Variants in LCT observed in about 807,000 individuals in gnomAD.
The protein encoded by LCT is lactase/phlorizin hydrolase.
A neutral mutation model predicts 173.0 loss-of-function variants in LCT; 90 were observed. The ratio of observed to expected loss-of-function variants is 0.52; its 90% confidence interval spans 0.44 to 0.62. The LOEUF (loss-of-function observed/expected upper bound fraction) is 0.62. LCT is among the 20% of genes least tolerant of loss of function. The probability of loss-of-function intolerance (pLI) is 0.00; values close to 1 mark genes in which losing one functional copy is unlikely to be tolerated. For missense variants in LCT, 1,864 were observed against 2,431.4 expected (o/e 0.77, Z 4.91); for synonymous variants, 853 against 957.6 (o/e 0.89, Z 2.02).
chr2:135,794,562 C>A, intron 14 of LCT, 79 bp downstream of exon 14: 1 of 1,481,804 alleles, frequency 6.7e-7, no homozygotes, highest in Middle Eastern at 2.4e-4. Context: ...TGAGGCTGGG[C>A]AGGCCTCAGA....
chr2:135,817,798 A>G lies in LCT; in HGVS notation c.1250T>C (p.Leu417Pro), dbSNP rs761185112. 3 of 1,613,998 alleles carry G rather than the reference A, an allele frequency of 1.9e-6. No individual in the cohort carries two copies. Among genetic ancestry groups the G allele is most frequent in the Non-Finnish European group, 2.5e-6 (3 of 1,180,010 alleles). ...CGTCGCTTGGCCCTCAGTGGTGTTC[A>G]GGGGCCTGCGTGGATCCCAGATGCT... Reference protein sequence around the residue: ...GVSIWDPRRPLNTTEGQATLE... With the variant: ...GVSIWDPRRPPNTTEGQATLE... Residue 417 changes from leucine (L) to proline (P), a missense_variant, in exon 6 of 17, where the codon CTG (leucine) becomes CCG (proline). Coordinates refer to ENST00000264162, the MANE Select transcript of LCT (RefSeq NM_002299.4).
chr2:135,798,702 G>T (rs191197460), intron 12 of LCT, among the ~76,000 whole-genome samples: 1 of 152,132 alleles, frequency 6.6e-6, no homozygotes, highest in African/African-American at 2.4e-5. Context: ...TATCATGTGC[G>T]GGGATACGTG....
In LCT at chr2:135,836,019, T is replaced by C. The variant is rs1296803534; in HGVS notation, c.640+511A>G. Among the ~76,000 whole-genome samples, 289 of 110,460 alleles carry C rather than the reference T, an allele frequency of 2.6e-3. 6 individuals are homozygous for C. The highest frequency in any genetic ancestry group is 8.2e-3 in the African/African-American group (254 of 31,120). 72.5% of individuals were successfully genotyped at this position (110,460 alleles called of 152,430 possible). ...ATATATATATATATATATATATGTATACATATTTTTTTTTTTTGAGATTGT... is the reference window on the plus strand; with the variant it reads ...ATATATATATATATATATATATGTACACATATTTTTTTTTTTTGAGATTGT... On this transcript the variant is annotated intron_variant, in intron 1 of 16. Coordinates refer to ENST00000264162, the MANE Select transcript of LCT (RefSeq NM_002299.4).
In LCT at chr2:135,836,869, T is replaced by C. The variant is rs35837297; in HGVS notation, c.301A>G (p.Ser101Gly). ...LSWAQLLPAG[S>G]TQNPDEKTVQ... is the part of the protein sequence containing the mutation. ...GTTTTCTCGTCTGGATTCTGGGTGCTTCCTGCTGGGAGGAGCTGTGCCCAT... is the reference window on the plus strand; with the variant it reads ...GTTTTCTCGTCTGGATTCTGGGTGCCTCCTGCTGGGAGGAGCTGTGCCCAT... The change falls in exon 1 of 17, where the codon AGC (serine) becomes GGC (glycine). Residue 101 changes from serine (S) to glycine (G), a missense_variant. Physicochemically the swap from Ser to Gly is moderately conservative, Grantham distance 56. This residue lies in a region of LCT where 412 missense variants were observed against 462.0 expected (regional missense o/e 0.89). Transcript: ENST00000264162. The C allele has an allele frequency of 1.4e-3, 2,237 of 1,614,166 alleles. 27 individuals carry two copies. The African/African-American group carries it at 0.026, about 19-fold the overall frequency.
Position 135,797,298 on chromosome 2 carries a change from G to T in LCT, c.4976+731C>A, listed in dbSNP as rs117442448. On this transcript the variant is annotated intron_variant, in intron 13 of 16. Coordinates refer to ENST00000264162, the MANE Select transcript of LCT (RefSeq NM_002299.4). Reference sequence around the variant, plus strand: ...CTGGACTATATGGGGGCGTCTAGGGGCAGGACTCAAAGACTATGTTGGGAA... The same window carrying T: ...CTGGACTATATGGGGGCGTCTAGGGTCAGGACTCAAAGACTATGTTGGGAA... 2.4e-4 allele frequency among the ~76,000 whole-genome samples: 37 copies of T among 152,266 alleles called. No individual in the cohort carries two copies. In the East Asian group the frequency reaches 6.8e-3, roughly 28 times the overall value.
intron 3 of LCT, among the ~76,000 whole-genome samples, chr2:135,825,067 C>T (rs532354132): frequency 6.6e-6 from 1 of 151,952 alleles, no homozygotes; most frequent in Non-Finnish European, 1.5e-5. Flanking sequence ...GTAATTTCCT[C>T]TTCTTATTTC....
chr2:135,812,702 T>C lies in LCT; in HGVS notation c.1962A>G (p.Arg654=), dbSNP rs2105537984. Residue 654 remains arginine, a synonymous_variant, in exon 7 of 17, where the codon AGA becomes AGG. Coordinates refer to ENST00000264162, the MANE Select transcript of LCT (RefSeq NM_002299.4). ...TLRTQIQQMN[R]QCSHPVAQLP... is the part of the protein sequence containing the mutation. Reference sequence around the variant, plus strand: ...GTTGAGCCACAGGATGGGAGCACTGTCTGTTCATCTGTTGGATCTGGGTCC... The same window carrying C: ...GTTGAGCCACAGGATGGGAGCACTGCCTGTTCATCTGTTGGATCTGGGTCC... The C allele has an allele frequency of 6.2e-7, 1 of 1,614,190 alleles. No individual in the cohort carries two copies. The highest frequency in any genetic ancestry group is 8.5e-7 in the Non-Finnish European group (1 of 1,180,036).
chr2:135,810,981 C>G (rs1277801262), intron 7 of LCT, among the ~76,000 whole-genome samples: 1 of 151,126 alleles, frequency 6.6e-6, no homozygotes, highest in Non-Finnish European at 1.5e-5. Flanking sequence ...GAGCTGAGAT[C>G]GCGCCACTGC....
chr2:135,796,170 C>A (rs553907027), intron 13 of LCT, among the ~76,000 whole-genome samples: 1 of 152,242 alleles, frequency 6.6e-6, no homozygotes, highest in African/African-American at 2.4e-5. Flanking sequence ...TGAATGCATG[C>A]GCATGCCCAC....
At chr2:135,834,787 C>CAAAAAAAAAAAAAAAAAAAAAAAAAAAAA (rs60298631) in intron 1 of LCT, among the ~76,000 whole-genome samples, 1 of 34,180 alleles carries the variant, frequency 2.9e-5, no homozygotes, top group Non-Finnish European at 5.0e-5. Context: ...GACTCCATCT[C>CAAAAAAAAAAAAAAAAAAAAAAAAAAAAA]AAAAAAAAAA....
At position 135,812,784 on chromosome 2, in the gene LCT, A is replaced by G. The variant is rs1210753539; in HGVS notation, c.1880T>C (p.Met627Thr). The G allele has an allele frequency of 1.9e-6, 3 of 1,614,106 alleles. No individual in the cohort carries two copies. Among genetic ancestry groups the G allele is most frequent in the Admixed American group, 3.3e-5 (2 of 60,004 alleles). Residue 627 changes from methionine to threonine, a missense_variant, in exon 7 of 17, where the codon ATG (methionine) becomes ACG (threonine). Physicochemically the swap from Met to Thr is moderately conservative, Grantham distance 81. This residue lies in a region of LCT where 755 missense variants were observed against 926.3 expected (regional missense o/e 0.82). Transcript: ENST00000264162. The stretch of plus-strand genomic sequence containing the variant: ...GACGGGGTGTGCAAACCAGCCCAGC[A>G]TGAAGTGCAAGAAGCGCTCAGAGGC... ...LRASERFLHF[M>T]LGWFAHPVFV...
Position 135,823,838 on chromosome 2 carries a change from T to C in LCT, c.907+63A>G, listed in dbSNP as rs2077859001. The C allele has an allele frequency of 3.5e-6, 4 of 1,129,016 alleles. No homozygotes were observed. In the Admixed American group the frequency reaches 6.9e-5, roughly 19 times the overall value. The allele number at this position is 1,129,016 out of a possible 1,614,324, so 69.9% of individuals were successfully genotyped here. On this transcript the variant is annotated intron_variant, in intron 4 of 16. Transcript: ENST00000264162. ...CATTGGAACCCCGGACTTTCAAGAC[T>C]GCTACCTAGCACACCAGTGCACCAG...
At chr2:135,824,916 T>G (rs942880800) in intron 3 of LCT, among the ~76,000 whole-genome samples, 1 of 147,958 alleles carries the variant, frequency 6.8e-6, no homozygotes, top group African/African-American at 2.5e-5. Context: ...GACAGGAGAA[T>G]CGCTCGAACT....
At position 135,809,877 on chromosome 2, in the gene LCT, C is replaced by G. The variant is rs140434720; in HGVS notation, c.2470G>C (p.Asp824His). The G allele has an allele frequency of 1.2e-6, 2 of 1,614,012 alleles. No homozygotes were observed. Among genetic ancestry groups the G allele is most frequent in the Non-Finnish European group, 1.7e-6 (2 of 1,180,022 alleles). ...RFGLHHVNFS[D>H]SSKSRTPRKS... ...CTGGGAGTCCTTGACTTGCTGCTGT[C>G]GCTGAAGTTGACGTGGTGCAGGCCA... is the stretch of plus-strand genomic sequence containing the variant. Residue 824 changes from aspartate to histidine, a missense_variant, in exon 8 of 17, where the codon GAC becomes CAC. Asp to His is a moderately conservative substitution (Grantham distance 81). Coordinates refer to ENST00000264162, the MANE Select transcript of LCT (RefSeq NM_002299.4). This position sits in a 1 kb window ranked among gnomAD's most constrained non-coding sequence, Gnocchi z 5.5.
intron 3 of LCT, among the ~76,000 whole-genome samples, 177 bp downstream of exon 3, chr2:135,829,416 C>T (rs2077914952): frequency 6.6e-6 from 1 of 152,136 alleles, no homozygotes; most frequent in African/African-American, 2.4e-5. Context: ...GAAAGACTGC[C>T]TAACATCCGA....
rs752125425 is a variant in LCT, at chr2:135,807,307, A to T, written c.3994T>A (p.Phe1332Ile). The T allele has an allele frequency of 1.9e-6, 3 of 1,614,178 alleles. No homozygotes were observed. Among genetic ancestry groups the T allele is most frequent in the Non-Finnish European group, 2.5e-6 (3 of 1,180,008 alleles). Reference sequence around the variant, plus strand: ...TTGAAATCAACATGGTACAGTCCAAACTTGACCGTGTAGCCATTTAGCCAC... The same window carrying T: ...TTGAAATCAACATGGTACAGTCCAATCTTGACCGTGTAGCCATTTAGCCAC... ...FEWLNGYTVK[F>I]GLYHVDFNNT... Residue 1332 changes from phenylalanine to isoleucine, a missense_variant, in exon 9 of 17, where the codon TTT (phenylalanine) becomes ATT (isoleucine). Physicochemically the swap from Phe to Ile is conservative, Grantham distance 21 (BLOSUM62 0). Transcript: ENST00000264162.
At chr2:135,800,042 C>T (rs886864070) in intron 12 of LCT, among the ~76,000 whole-genome samples, 14 of 152,134 alleles carry the variant, frequency 9.2e-5, no homozygotes, top group Non-Finnish European at 1.8e-4. Flanking sequence ...GAAAGAATTA[C>T]CTGTACAAAT....
In LCT at chr2:135,794,748, C is replaced by T; in HGVS notation, c.5004G>A (p.Lys1668=). The T allele has an allele frequency of 6.2e-7, 1 of 1,614,222 alleles. No individual in the cohort carries two copies. The highest frequency in any genetic ancestry group is 1.1e-5 in the South Asian group (1 of 91,086). Residue 1668 remains lysine, a synonymous_variant, in exon 14 of 17, where the codon AAG becomes AAA. Coordinates refer to ENST00000264162, the MANE Select transcript of LCT (RefSeq NM_002299.4). ...AGTCATAGGTGCCGTTGATCCTCCT[C>T]TTCTCACTCTCTGTAAATTCTGGCA... ...SRLPEFTESE[K]RRINGTYDFF...
rs369141275 is a variant in LCT at position 135,788,362 on chromosome 2, G to A, written c.5746C>T (p.Arg1916Ter). 21 of 1,613,950 alleles carry A rather than the reference G, an allele frequency of 1.3e-5. No homozygotes were observed. Among genetic ancestry groups the A allele is most frequent in the Admixed American group, 6.7e-5 (4 of 60,000 alleles). The change falls in exon 17 of 17, where the codon CGA becomes TGA. Residue 1916 changes from arginine to a stop codon, truncating the protein, a stop_gained. Coordinates refer to ENST00000264162, the MANE Select transcript of LCT (RefSeq NM_002299.4). LOFTEE classifies it high-confidence loss of function. ...CKRSKQGKTQ[R>*]SQQELSPVSS... Reference sequence around the variant, plus strand: ...ACCGGGCTCAATTCCTGTTGGCTTCGTTGTGTTTTCCCTTGCTTAGAGCGC... The same window carrying A: ...ACCGGGCTCAATTCCTGTTGGCTTCATTGTGTTTTCCCTTGCTTAGAGCGC...
Sources: allele counts gnomAD v4.1 joint callset (sites outside exome capture counted in the v4.1 genomes callset), GRCh38; gene constraint gnomAD v4.1.1; regional missense constraint gnomAD v4.1.1; non-coding constraint Gnocchi (gnomAD v3.1); transcripts MANE v1.5; gene names NCBI Gene and HGNC (gene_info 2026-07-23, HGNC 2026-07-21).